The following KSR2 variants were observed in gnomAD, a reference collection of about 807,000 sequenced individuals.
KSR2 encodes kinase suppressor of ras 2.
In KSR2, 25 loss-of-function variants were observed where a neutral mutation model predicts 107.8. That is an observed-to-expected ratio of 0.23 (90% CI 0.17 to 0.32). The LOEUF is 0.32. Among genes scored for constraint, KSR2 ranks in the 10% least tolerant of loss-of-function variants. KSR2 has a pLI of 1.00. For missense variants in KSR2, 887 were observed against 1,268.9 expected, an observed-to-expected ratio of 0.70 and a Z score of 4.57; for synonymous variants, 480 against 507.0, an observed-to-expected ratio of 0.95 and a Z score of 0.71.
At chr12:117,802,833 C>T (rs1007695447) in intron 3 of KSR2, among the ~76,000 whole-genome samples, 11 of 152,186 alleles carry the variant, frequency 7.2e-5, no homozygotes, top group Non-Finnish European at 1.5e-4. Flanking sequence ...TGACTCCCAG[C>T]CCCGGCTCTG....
At position 117,486,949 on chromosome 12, in the gene KSR2, G is replaced by A. The variant is rs185570852; in HGVS notation, c.2220-1258C>T. Among the ~76,000 whole-genome samples the A allele has an allele frequency of 1.2e-3, 184 of 152,322 alleles. No individual in the cohort carries two copies. In the Middle Eastern group the frequency reaches 0.014, roughly 11 times the overall value. On this transcript the variant is annotated intron_variant, in intron 14 of 19. Transcript: ENST00000339824. ...CATGGGGGCTTAGAGTAGGACTAAC[G>A]GGTTAGAATCCTGATCTGTCATTTA...
At chr12:117,947,183 A>AG (rs1896207230) in intron 1 of KSR2, among the ~76,000 whole-genome samples, 1 of 98,740 alleles carries the variant, frequency 1.0e-5, no homozygotes, top group Admixed American at 1.2e-4. Context: ...AGAAAGAAAG[A>AG]AAGAAAAGAA....
chr12:117,761,392 G>C lies in KSR2; in HGVS notation c.605C>G (p.Pro202Arg). 6.2e-7 allele frequency: 1 copy of C among 1,607,460 alleles called. No homozygotes were observed. Among genetic ancestry groups the C allele is most frequent in the Non-Finnish European group, 8.5e-7 (1 of 1,178,248 alleles). Residue 202 changes from proline to arginine, a missense_variant, in exon 4 of 20, where the codon CCG becomes CGG. This residue lies in a region of KSR2 where 399 missense variants were observed against 479.5 expected (regional missense o/e 0.83). Coordinates refer to ENST00000339824, the MANE Select transcript of KSR2 (RefSeq NM_173598.6). ...RTHLSQSPRV[P>R]SKCVQHYCHT... ...ACAATAGTGCTGGACGCACTTGGAC[G>C]GGACCCTGGGGCTCTGGGAGAGATG...
chr12:117,764,290 G>A (rs1384687749), intron 3 of KSR2, among the ~76,000 whole-genome samples: 3 of 151,462 alleles, frequency 2.0e-5, no homozygotes, highest in Non-Finnish European at 4.4e-5. Flanking sequence ...ATATTTAATG[G>A]TTCATTGTCT....
intron 5 of KSR2, among the ~76,000 whole-genome samples, chr12:117,624,565 T>C (rs534803639): frequency 1.3e-5 from 2 of 152,286 alleles, no homozygotes; most frequent in East Asian, 3.9e-4. Context: ...CCTGTCCCAC[T>C]GGTGTATCTC....
intron 14 of KSR2, among the ~76,000 whole-genome samples, chr12:117,505,669 C>G (rs1333088989): frequency 6.6e-6 from 1 of 152,218 alleles, no homozygotes; most frequent in East Asian, 1.9e-4. Flanking sequence ...CCAGGAGAGT[C>G]AGGATACATT....
intron 4 of KSR2, among the ~76,000 whole-genome samples, chr12:117,711,891 T>C (rs747105580): frequency 6.6e-6 from 1 of 152,064 alleles, no homozygotes; most frequent in Non-Finnish European, 1.5e-5. Flanking sequence ...GCCCCAGAAG[T>C]GTGGGGATCA....
intron 5 of KSR2, among the ~76,000 whole-genome samples, chr12:117,605,816 C>T (rs1881198569): frequency 6.6e-6 from 1 of 152,170 alleles, no homozygotes; most frequent in Non-Finnish European, 1.5e-5. Context: ...AGATCATGAC[C>T]TTTGCAGGGA....
chr12:117,590,079 G>C (rs1298520889), intron 5 of KSR2, among the ~76,000 whole-genome samples: 2 of 152,230 alleles, frequency 1.3e-5, no homozygotes, highest in Non-Finnish European at 2.9e-5. Flanking sequence ...ATCATATACA[G>C]GGATTTCAGA....
At chr12:117,639,637 A>ATTATTATTG (rs1271893821) in intron 5 of KSR2, among the ~76,000 whole-genome samples, 2 of 135,948 alleles carry the variant, frequency 1.5e-5, no homozygotes, top group South Asian at 2.5e-4. Flanking sequence ...GCGTATTATT[A>ATTATTATTG]TTATTATTAT....
chr12:117,636,137 C>A (rs1365684901), intron 5 of KSR2, among the ~76,000 whole-genome samples: 12 of 152,202 alleles, frequency 7.9e-5, no homozygotes, highest in African/African-American at 2.6e-4. Context: ...GGATTTTACT[C>A]ATCTTCCACT....
intron 4 of KSR2, among the ~76,000 whole-genome samples, chr12:117,738,362 T>C (rs1272029361): frequency 1.3e-5 from 2 of 152,186 alleles, no homozygotes; most frequent in African/African-American, 4.8e-5. Flanking sequence ...GAGGATTTCA[T>C]TGCTGTGCAA....
At chr12:117,637,583 G>A (rs898044033) in intron 5 of KSR2, among the ~76,000 whole-genome samples, 1 of 150,658 alleles carries the variant, frequency 6.6e-6, no homozygotes, top group East Asian at 2.0e-4. Context: ...TAAAAATTAA[G>A]AAGGGCACTT....
chr12:117,694,533 C>G (rs1025487737), intron 4 of KSR2, among the ~76,000 whole-genome samples: 2 of 152,140 alleles, frequency 1.3e-5, no homozygotes, highest in African/African-American at 4.8e-5. Context: ...GACTGATACC[C>G]CATATGATCC....
intron 3 of KSR2, among the ~76,000 whole-genome samples, chr12:117,820,061 T>C (rs1891510737): frequency 6.6e-6 from 1 of 152,216 alleles, no homozygotes; most frequent in Admixed American, 6.5e-5. Context: ...TTTGGTTTTC[T>C]TTTTTTACAT....
chr12:117,620,468 A>G (rs1384853114), intron 5 of KSR2, among the ~76,000 whole-genome samples: 7 of 152,188 alleles, frequency 4.6e-5, no homozygotes, highest in African/African-American at 1.7e-4. Flanking sequence ...TAGGGACCAC[A>G]CATTTGTGTT....
At chr12:117,864,664 A>C (rs1306138178) in intron 1 of KSR2, among the ~76,000 whole-genome samples, 2 of 152,236 alleles carry the variant, frequency 1.3e-5, no homozygotes, top group African/African-American at 4.8e-5. Context: ...GGCACTGCGG[A>C]AGGCCCTGCT....
chr12:117,900,716 A>G (rs116013521), intron 1 of KSR2, among the ~76,000 whole-genome samples: 137 of 152,282 alleles, frequency 9.0e-4, no homozygotes, highest in African/African-American at 3.3e-3. Flanking sequence ...ACCCAATCCC[A>G]TATTTAAGAA....
intron 4 of KSR2, among the ~76,000 whole-genome samples, chr12:117,740,464 T>TA: frequency 1.5e-5 from 1 of 68,068 alleles, no homozygotes; most frequent in Non-Finnish European, 3.7e-5. Context: ...GTACATATAT[T>TA]ATATGTAATA....
Sources: allele counts gnomAD v4.1 joint callset (sites outside exome capture counted in the v4.1 genomes callset), GRCh38; gene constraint gnomAD v4.1.1; regional missense constraint gnomAD v4.1.1; transcripts MANE v1.5; gene names NCBI Gene and HGNC (gene_info 2026-07-23, HGNC 2026-07-21).